POU2F1: variants seen among roughly 807,000 people sequenced by gnomAD.
The protein encoded by POU2F1 is POU class 2 homeobox 1, also known as POU domain, class 2, transcription factor 1.
POU2F1 carries 16 observed loss-of-function variants against 84.9 expected under a neutral mutation model. The ratio of observed to expected loss-of-function variants is 0.19; its 90% CI spans 0.13 to 0.29. The LOEUF (loss-of-function observed/expected upper bound fraction) is 0.29. Ranked by LOEUF, POU2F1 falls within the 10% of genes least tolerant of loss-of-function variation. The probability of loss-of-function intolerance (pLI) is 1.00; values close to 1 mark genes in which losing one functional copy is unlikely to be tolerated. For synonymous variants in POU2F1, 368 were observed against 368.3 expected (o/e 1.00, Z 0.01); for missense variants, 738 against 942.6 (o/e 0.78, Z 2.84).
At chr1:167,372,933 CTTT>C (rs368413435) in intron 5 of POU2F1, among the ~76,000 whole-genome samples, 371 of 13,674 alleles carry the variant, frequency 0.027, 1 homozygote, top group Admixed American at 0.049. Context: ...TTTTTGTTTT[CTTT>C]CTTTCTTTCT....
In POU2F1 at chr1:167,415,683, A is replaced by T. The variant is rs1232392328; in HGVS notation, c.2174A>T (p.Asn725Ile). Reference protein sequence around the residue: ...LVSAAAASAGNSAPVASLHAT... With the variant: ...LVSAAAASAGISAPVASLHAT... ...TCTGCCGCCGCAGCATCTGCAGGGA[A>T]CTCTGCACCTGTAGCCAGCCTTCAC... is the stretch of plus-strand genomic sequence containing the variant. The change falls in exon 16 of 16, where the codon AAC becomes ATC. Residue 725 changes from asparagine (N) to isoleucine (I), a missense_variant. Physicochemically the swap from Asn to Ile is moderately radical, Grantham distance 149. This residue lies in a region of POU2F1 where 319 missense variants were observed against 386.0 expected (regional missense o/e 0.83). Coordinates refer to ENST00000367866, the MANE Select transcript of POU2F1 (RefSeq NM_002697.4). The T allele has an allele frequency of 8.7e-6, 14 of 1,613,898 alleles. No individual in the cohort carries two copies. The highest frequency in any genetic ancestry group is 1.2e-5 in the Non-Finnish European group (14 of 1,179,948).
intron 1 of POU2F1, among the ~76,000 whole-genome samples, chr1:167,244,810 G>T (rs1198899886): frequency 6.6e-6 from 1 of 152,194 alleles, no homozygotes; most frequent in African/African-American, 2.4e-5. Context: ...ACATGTATGG[G>T]AGATATAATA....
chr1:167,226,398 C>G (rs1246865733), intron 1 of POU2F1, among the ~76,000 whole-genome samples: 2 of 152,154 alleles, frequency 1.3e-5, no homozygotes, highest in African/African-American at 2.4e-5. Context: ...CCTTATGCAT[C>G]TTTCGCTGGA....
At chr1:167,281,779 G>A (rs266825) in intron 1 of POU2F1, among the ~76,000 whole-genome samples, 145,356 of 152,322 alleles carry the variant, frequency 0.95, 69,416 homozygotes, top group East Asian at 1. Flanking sequence ...GCTAAACTTG[G>A]TTTAACAGTA....
At chr1:167,399,108 A>T in intron 11 of POU2F1, 78 bp from the exon 12 acceptor site, 1 of 1,398,050 alleles carries the variant, frequency 7.2e-7, no homozygotes, top group African/African-American at 1.4e-5. Context: ...TCATTTTCTA[A>T]CCTGACGTGA....
At chr1:167,396,477 G>A in intron 10 of POU2F1, 50 bp downstream of exon 10, 1 of 1,564,576 alleles carries the variant, frequency 6.4e-7, no homozygotes, top group Admixed American at 1.7e-5. Context: ...AATTTTACAT[G>A]GGGATTGTTA....
intron 15 of POU2F1, chr1:167,414,224 TATA>T: frequency 1.4e-6 from 1 of 709,188 alleles, no homozygotes; most frequent in Non-Finnish European, 1.7e-6. Context: ...GCTTTTGTTA[TATA>T]ATAATTTTTT....
intron 1 of POU2F1, among the ~76,000 whole-genome samples, chr1:167,331,772 C>T (rs545122465): frequency 4.5e-4 from 68 of 152,098 alleles, no homozygotes; most frequent in Admixed American, 1.8e-3. Flanking sequence ...TTAGCAGTTT[C>T]ATTTAGGATA....
intron 1 of POU2F1, among the ~76,000 whole-genome samples, chr1:167,234,182 A>AT (rs1449220386): frequency 6.6e-6 from 1 of 152,196 alleles, no homozygotes; most frequent in Non-Finnish European, 1.5e-5. Flanking sequence ...AGATCTATAG[A>AT]TTTAACAGCT....
At chr1:167,225,736 G>T in intron 1 of POU2F1, among the ~76,000 whole-genome samples, 1 of 152,178 alleles carries the variant, frequency 6.6e-6, no homozygotes, top group Non-Finnish European at 1.5e-5. Flanking sequence ...TGTTTTTTAA[G>T]TTGGTCACTC....
intron 1 of POU2F1, among the ~76,000 whole-genome samples, chr1:167,261,657 T>C (rs1651576621): frequency 6.6e-6 from 1 of 152,198 alleles, no homozygotes; most frequent in Non-Finnish European, 1.5e-5. Context: ...TCTTTGGAAA[T>C]TCATATTCAA....
intron 7 of POU2F1, chr1:167,380,061 T>TAA (rs1647401546): frequency 6.6e-6 from 1 of 152,216 alleles, no homozygotes; most frequent in African/African-American, 2.4e-5. Context: ...CCCCTTCACT[T>TAA]ACATGGGTGA....
intron 8 of POU2F1, among the ~76,000 whole-genome samples, chr1:167,389,307 A>T (rs1648213110): frequency 6.6e-6 from 1 of 152,186 alleles, no homozygotes; most frequent in South Asian, 2.1e-4. Context: ...ATGTATTCAG[A>T]CCATTTGAAA....
At chr1:167,291,985 T>A (rs557963730) in intron 1 of POU2F1, among the ~76,000 whole-genome samples, 1 of 152,262 alleles carries the variant, frequency 6.6e-6, no homozygotes, top group African/African-American at 2.4e-5. Context: ...ATGGCTGTTA[T>A]ACTGACTTGT....
intron 8 of POU2F1, among the ~76,000 whole-genome samples, chr1:167,385,529 G>C (rs991442276): frequency 6.6e-6 from 1 of 151,890 alleles, no homozygotes; most frequent in Non-Finnish European, 1.5e-5. Flanking sequence ...ATGGCCAACT[G>C]ATTTGCCAAA....
intron 9 of POU2F1, among the ~76,000 whole-genome samples, chr1:167,393,277 A>G (rs1191039949): frequency 6.6e-6 from 1 of 152,192 alleles, no homozygotes; most frequent in Non-Finnish European, 1.5e-5. Flanking sequence ...CCTGTACCGA[A>G]TTAATGAAAA....
intron 1 of POU2F1, among the ~76,000 whole-genome samples, chr1:167,321,100 G>A (rs11802409): frequency 0.075 from 11,371 of 152,208 alleles, 584 homozygotes; most frequent in Non-Finnish European, 0.11. Flanking sequence ...ATGAAAAATC[G>A]AATTTTGCAA....
At chr1:167,313,085 A>G (rs1655615786) in intron 1 of POU2F1, among the ~76,000 whole-genome samples, 1 of 152,208 alleles carries the variant, frequency 6.6e-6, no homozygotes, top group Non-Finnish European at 1.5e-5. Flanking sequence ...CCATTGTTAA[A>G]CAAAGTATGA....
At chr1:167,326,062 C>T (rs1656689970) in intron 1 of POU2F1, among the ~76,000 whole-genome samples, 1 of 152,076 alleles carries the variant, frequency 6.6e-6, no homozygotes, top group African/African-American at 2.4e-5. Context: ...CTACTATTTC[C>T]TATTATTACT....
Sources: gnomAD v4.1 joint callset for allele counts (sites outside exome capture counted in the v4.1 genomes callset) on GRCh38, gnomAD v4.1.1 for gene constraint, gnomAD v4.1.1 regional missense constraint, MANE v1.5 for transcripts, NCBI Gene and HGNC (gene_info 2026-07-23, HGNC 2026-07-21) for gene names.